Variants in ATP13A4 observed in about 807,000 individuals in gnomAD.
The protein encoded by ATP13A4 is probable cation-transporting ATPase 13A4.
ATP13A4 carries 114 observed loss-of-function variants against 142.5 expected under a neutral mutation model. That is an observed-to-expected ratio of 0.80 (90% CI 0.69 to 0.93). ATP13A4 has a LOEUF of 0.93. Ranked by LOEUF, ATP13A4 falls within the 40% of genes least tolerant of loss-of-function variation. The pLI, the probability that ATP13A4 is intolerant of heterozygous loss-of-function variation, is 0.00. For synonymous variants in ATP13A4, 488 were observed against 514.8 expected (o/e 0.95, Z 0.70); for missense variants, 1,392 against 1,454.0 (o/e 0.96, Z 0.69).
At chr3:193,492,146 G>A (rs997938833) in intron 5 of ATP13A4, among the ~76,000 whole-genome samples, 1 of 152,122 alleles carries the variant, frequency 6.6e-6, no homozygotes. Flanking sequence ...CTGATTCAAT[G>A]GGATGAAAAG....
At chr3:193,572,346 G>A (rs183458324) in intron 2 of ATP13A4, among the ~76,000 whole-genome samples, 1 of 152,244 alleles carries the variant, frequency 6.6e-6, no homozygotes, top group East Asian at 1.9e-4. Context: ...AATATAAAAA[G>A]TTCAGGTTTT....
At chr3:193,426,842 C>CA (rs35181511) in intron 25 of ATP13A4, among the ~76,000 whole-genome samples, 34,776 of 151,642 alleles carry the variant, frequency 0.23, 4,152 homozygotes, top group East Asian at 0.36. Flanking sequence ...AAAATTAACA[C>CA]AAAAAATGGA....
At chr3:193,484,096 A>C in intron 7 of ATP13A4, 91 bp from the exon 8 acceptor site, 2 of 1,045,456 alleles carry the variant, frequency 1.9e-6, no homozygotes, top group Non-Finnish European at 1.5e-6. Context: ...AAGATAGAGC[A>C]CTGTCTTACT....
chr3:193,477,129 A>G (rs918062657), intron 8 of ATP13A4, among the ~76,000 whole-genome samples: 1 of 152,238 alleles, frequency 6.6e-6, no homozygotes, highest in East Asian at 1.9e-4. Flanking sequence ...TTGCATATGT[A>G]TCATAAGTAT....
intron 25 of ATP13A4, among the ~76,000 whole-genome samples, chr3:193,418,461 C>T (rs1715229844): frequency 6.7e-6 from 1 of 149,596 alleles, no homozygotes; most frequent in Non-Finnish European, 1.5e-5. Flanking sequence ...CAGAATACAT[C>T]AAAGGAGTAG....
intron 16 of ATP13A4, among the ~76,000 whole-genome samples, chr3:193,456,041 G>A (rs975693740): frequency 2.0e-5 from 3 of 152,108 alleles, no homozygotes; most frequent in African/African-American, 7.2e-5. Flanking sequence ...TGGCAGGAGG[G>A]AGAGGATCAG....
chr3:193,535,982 T>A (rs530199566), intron 1 of ATP13A4, among the ~76,000 whole-genome samples: 1 of 152,164 alleles, frequency 6.6e-6, no homozygotes, highest in South Asian at 2.1e-4. Flanking sequence ...GAAAATTGAA[T>A]TTGTACTTCC....
chr3:193,416,088 G>A (rs1016814524), intron 25 of ATP13A4, among the ~76,000 whole-genome samples: 3 of 152,144 alleles, frequency 2.0e-5, no homozygotes, highest in Non-Finnish European at 4.4e-5. Context: ...ACTCCTAGAG[G>A]TCAAGCAAAT....
intron 25 of ATP13A4, among the ~76,000 whole-genome samples, chr3:193,433,280 A>G (rs560801514): frequency 6.6e-6 from 1 of 152,310 alleles, no homozygotes; most frequent in East Asian, 1.9e-4. Flanking sequence ...AAATCTCTGT[A>G]CCTTCCTCTC....
intron 10 of ATP13A4, among the ~76,000 whole-genome samples, chr3:193,466,723 T>A (rs1172221979): frequency 6.6e-6 from 1 of 152,262 alleles, no homozygotes; most frequent in East Asian, 1.9e-4. Context: ...TTCATGGACA[T>A]AGCAGAAACA....
In ATP13A4 at chr3:193,492,954, A is replaced by C; in HGVS notation, c.496T>G (p.Phe166Val). The change falls in exon 5 of 30, where the codon TTT becomes GTT. Residue 166 changes from phenylalanine (F) to valine (V), a missense_variant. By Grantham distance (50) the Phe-to-Val change is conservative. Transcript: ENST00000342695. ...WLSSAKIHQKFGSGLTREEQE... is the reference protein window; with the variant it reads ...WLSSAKIHQKVGSGLTREEQE... ...TCTTCTCTTGTCAAGCCTGATCCAA[A>C]TTTTTGATGTATCTTGGCAGAACTA... 1 of 1,611,426 alleles carries C rather than the reference A, an allele frequency of 6.2e-7. No homozygotes were observed. The highest frequency in any genetic ancestry group is 8.5e-7 in the Non-Finnish European group (1 of 1,178,220).
intron 28 of ATP13A4, among the ~76,000 whole-genome samples, chr3:193,409,096 G>T (rs185475326): frequency 8.5e-5 from 13 of 152,326 alleles, no homozygotes; most frequent in Admixed American, 6.5e-4. Context: ...GATGGGGATT[G>T]TCACTATATG....
chr3:193,470,289 G>A (rs1165372865), intron 9 of ATP13A4, among the ~76,000 whole-genome samples: 1 of 152,188 alleles, frequency 6.6e-6, no homozygotes. Flanking sequence ...TAACCTCACA[G>A]GTCCCACCCA....
chr3:193,411,410 C>A (rs1369981307), intron 27 of ATP13A4, among the ~76,000 whole-genome samples: 1 of 152,160 alleles, frequency 6.6e-6, no homozygotes, highest in African/African-American at 2.4e-5. Flanking sequence ...TACCTCAAAT[C>A]ATTTTCTGGT....
chr3:193,426,534 A>G (rs536724011), intron 25 of ATP13A4, among the ~76,000 whole-genome samples: 2 of 152,004 alleles, frequency 1.3e-5, no homozygotes, highest in African/African-American at 4.8e-5. Context: ...TGAAATTATA[A>G]GAGTCCCTAA....
At chr3:193,435,587 G>A in intron 24 of ATP13A4, 61 bp downstream of exon 24, 5 of 1,297,324 alleles carry the variant, frequency 3.9e-6, no homozygotes, top group South Asian at 2.4e-5. Context: ...ATTGTAAATT[G>A]AGAGTGCACC....
rs560755835 is a variant in ATP13A4, at chr3:193,572,462, A to G, written n.291+9245T>C. ...TATTAATTTGTTAAAATAATTGAAT[A>G]CTCCATGATAGCAATGTGCGAATTT... On this transcript the variant is annotated intron_variant and non_coding_transcript_variant, in intron 2 of 3. Coordinates refer to the ATP13A4 transcript ENST00000489140. Among the ~76,000 whole-genome samples, 6 of 152,316 alleles carry G rather than the reference A, an allele frequency of 3.9e-5. 1 individual carries two copies. The East Asian group carries it at 7.7e-4, about 20-fold the overall frequency.
intron 7 of ATP13A4, among the ~76,000 whole-genome samples, chr3:193,485,765 G>A (rs1252596578): frequency 2.6e-5 from 4 of 151,974 alleles, no homozygotes; most frequent in African/African-American, 9.7e-5. Flanking sequence ...AGAGACCCAG[G>A]AGAGACGCCT....
rs764306291 is a variant in ATP13A4 at position 193,470,967 on chromosome 3, C to G, written c.835G>C (p.Val279Leu). ...ATTAATAAATCTCCAGGCACCAGGA[C>G]GCGTGATTCCAGCTCTTGAACTCCA... ...KAGVQELESR[V>L]LVPGDLLILT... Residue 279 changes from valine (V) to leucine (L), a missense_variant, in exon 9 of 30, where the codon GTC (valine) becomes CTC (leucine). Val to Leu is a conservative substitution (Grantham distance 32). Transcript: ENST00000342695. 4.3e-6 allele frequency: 7 copies of G among 1,614,144 alleles called. No homozygotes were observed. Among genetic ancestry groups the G allele is most frequent in the Non-Finnish European group, 5.9e-6 (7 of 1,180,004 alleles).
Sources: gnomAD v4.1 joint callset for allele counts (sites outside exome capture counted in the v4.1 genomes callset) on GRCh38, gnomAD v4.1.1 for gene constraint, MANE v1.5 for transcripts, NCBI Gene and HGNC (gene_info 2026-07-23, HGNC 2026-07-21) for gene names.